The following ITGA2 variants were observed in gnomAD, a reference collection of about 807,000 sequenced individuals.
ITGA2 encodes integrin subunit alpha 2, also known as integrin alpha-2.
ITGA2 carries 101 observed loss-of-function variants against 146.3 expected under a neutral mutation model. The ratio of observed to expected loss-of-function variants is 0.69; its 90% CI spans 0.59 to 0.81. ITGA2 has a LOEUF of 0.81. Among genes scored for constraint, ITGA2 ranks in the 40% least tolerant of loss-of-function variants. The probability of loss-of-function intolerance (pLI) is 0.00; values close to 1 mark genes in which losing one functional copy is unlikely to be tolerated. For synonymous variants in ITGA2, 477 were observed against 487.1 expected (o/e 0.98, Z 0.27); for missense variants, 1,281 against 1,402.7 (o/e 0.91, Z 1.39).
chr5:53,078,793 T>A lies in ITGA2; in HGVS notation c.2847T>A (p.Tyr949Ter), dbSNP rs1161540512. ...HLTRSTNINF[Y>*]EISSDGNVPS... ...ACAGATCTACCAACATAAATTTTTATGAAATCTCTTCGGATGGGAATGTTC... is the reference window on the plus strand; with the variant it reads ...ACAGATCTACCAACATAAATTTTTAAGAAATCTCTTCGGATGGGAATGTTC... The change falls in exon 24 of 30, where the codon TAT (tyrosine) becomes TAA (stop). Residue 949 changes from tyrosine to a stop codon, truncating the protein, a stop_gained. Coordinates refer to ENST00000296585, the MANE Select transcript of ITGA2 (RefSeq NM_002203.4). LOFTEE classifies it high-confidence loss of function. 1 of 1,608,444 alleles carries A rather than the reference T, an allele frequency of 6.2e-7. No individual in the cohort carries two copies.
At chr5:53,059,567 C>T (rs1665080021) in intron 10 of ITGA2, among the ~76,000 whole-genome samples, 1 of 151,872 alleles carries the variant, frequency 6.6e-6, no homozygotes, top group Admixed American at 6.6e-5. Context: ...TTACCATTGG[C>T]AAATATATGC....
At chr5:53,037,238 C>T (rs1188553983) in intron 2 of ITGA2, among the ~76,000 whole-genome samples, 1 of 152,158 alleles carries the variant, frequency 6.6e-6, no homozygotes, top group African/African-American at 2.4e-5. Flanking sequence ...GATAATTGAA[C>T]AGTAAGTGTT....
At chr5:53,056,941 C>T (rs1744667778) in intron 9 of ITGA2, among the ~76,000 whole-genome samples, 1 of 151,926 alleles carries the variant, frequency 6.6e-6, no homozygotes, top group Non-Finnish European at 1.5e-5. Context: ...GCCTTAGAGT[C>T]TGGGGCTAAA....
intron 2 of ITGA2, among the ~76,000 whole-genome samples, chr5:53,031,757 G>T (rs1743234890): frequency 6.6e-6 from 1 of 152,222 alleles, no homozygotes; most frequent in South Asian, 2.1e-4. Context: ...TACCTGGGCA[G>T]CCCTCTGGCT....
At chr5:52,997,682 G>T (rs1273970763) in intron 1 of ITGA2, among the ~76,000 whole-genome samples, 2 of 152,142 alleles carry the variant, frequency 1.3e-5, no homozygotes, top group Non-Finnish European at 2.9e-5. Context: ...CTGAACACAA[G>T]CTGGCTTCGG....
At chr5:53,080,488 G>A (rs1579903153) in intron 24 of ITGA2, 23 bp from the exon 25 acceptor site, 1 of 1,578,782 alleles carries the variant, frequency 6.3e-7, no homozygotes, top group East Asian at 2.2e-5. Flanking sequence ...TTGCAGTACT[G>A]GCACATTTTA....
At chr5:53,037,883 T>C (rs574566859) in intron 2 of ITGA2, among the ~76,000 whole-genome samples, 1 of 152,348 alleles carries the variant, frequency 6.6e-6, no homozygotes, top group African/African-American at 2.4e-5. Flanking sequence ...GATAGCATAA[T>C]ACTGTCAGAG....
At chr5:53,023,830 T>C (rs1742804977) in intron 1 of ITGA2, among the ~76,000 whole-genome samples, 1 of 152,222 alleles carries the variant, frequency 6.6e-6, no homozygotes, top group South Asian at 2.1e-4. Context: ...TTATGAGCTA[T>C]TTAGATATCA....
intron 4 of ITGA2, 150 bp from the exon 5 acceptor site, chr5:53,048,213 C>G (rs1370644885): frequency 2.8e-6 from 2 of 709,298 alleles, no homozygotes; most frequent in Non-Finnish European, 5.0e-6. Flanking sequence ...TTCTGCTTTC[C>G]CCGAAGGCAT....
At chr5:53,013,991 AGGAGCTT>A (rs1257876349) in intron 1 of ITGA2, among the ~76,000 whole-genome samples, 1 of 152,118 alleles carries the variant, frequency 6.6e-6, no homozygotes, top group Non-Finnish European at 1.5e-5. Flanking sequence ...TATCAAATCT[AGGAGCTT>A]TGAGCAGAGA....
chr5:52,989,880 C>T (rs1415458836), intron 1 of ITGA2, among the ~76,000 whole-genome samples: 1 of 151,838 alleles, frequency 6.6e-6, no homozygotes, highest in Non-Finnish European at 1.5e-5. Context: ...TGGGGATCCG[C>T]GGGTGTCCTG....
intron 2 of ITGA2, among the ~76,000 whole-genome samples, chr5:53,028,223 A>G (rs543850932): frequency 6.6e-6 from 1 of 152,332 alleles, no homozygotes; most frequent in South Asian, 2.1e-4. Flanking sequence ...TGATGAGGAA[A>G]CAAAATGAAA....
At chr5:53,031,181 T>A (rs45472897) in intron 2 of ITGA2, among the ~76,000 whole-genome samples, 1 of 152,384 alleles carries the variant, frequency 6.6e-6, no homozygotes, top group Non-Finnish European at 1.5e-5. Context: ...AAGGACTGTT[T>A]AAACATTGAC....
intron 2 of ITGA2, among the ~76,000 whole-genome samples, chr5:53,039,571 C>A (rs1368687833): frequency 6.6e-6 from 1 of 151,358 alleles, no homozygotes; most frequent in East Asian, 1.9e-4. Context: ...TGGCAAAATC[C>A]CCTACTAAAA....
At chr5:53,040,364 G>C (rs1317462825) in intron 2 of ITGA2, among the ~76,000 whole-genome samples, 1 of 152,098 alleles carries the variant, frequency 6.6e-6, no homozygotes, top group Non-Finnish European at 1.5e-5. Context: ...GAAAATCAAG[G>C]CTCTGGAAGA....
In ITGA2 at chr5:53,087,012, A is replaced by G. The variant is rs993953479; in HGVS notation, c.3319A>G (p.Ile1107Val). The change falls in exon 28 of 30, where the codon ATA becomes GTA. Residue 1107 changes from isoleucine to valine, a missense_variant. By Grantham distance (29) the Ile-to-Val change is conservative. Around this residue, in one of 3 missense-constraint regions of ITGA2, gnomAD observed 475 missense variants for 530.5 expected, o/e 0.90. Transcript: ENST00000296585. ...AAEINTYNPE[I>V]YVIEDNTVTI... Reference sequence around the variant, plus strand: ...AGAAATCAACACCTATAACCCTGAGATATATGTGATTGAAGATAACACTGT... The same window carrying G: ...AGAAATCAACACCTATAACCCTGAGGTATATGTGATTGAAGATAACACTGT... The G allele has an allele frequency of 1.2e-5, 19 of 1,613,198 alleles. No homozygotes were observed. The highest frequency in any genetic ancestry group is 1.6e-5 in the Non-Finnish European group (19 of 1,179,374).
intron 25 of ITGA2, 53 bp from the exon 26 acceptor site, chr5:53,081,539 A>G: frequency 7.5e-7 from 1 of 1,341,420 alleles, no homozygotes; most frequent in South Asian, 1.2e-5. Context: ...GTTGAAAGGA[A>G]CATCATAAAC....
Position 53,075,352 on chromosome 5 carries a change from T to A in ITGA2, c.2825+48T>A, listed in dbSNP as rs777809108. The A allele has an allele frequency of 2.0e-6, 3 of 1,486,358 alleles. No individual in the cohort carries two copies. In the South Asian group the frequency reaches 3.4e-5, roughly 17 times the overall value. 92.1% of individuals were successfully genotyped at this position (1,486,358 alleles called of 1,614,324 possible). The stretch of plus-strand genomic sequence containing the variant: ...TGCTATCACTGACACCAACTCTAGA[T>A]CAGAAGATTTTTGGCTCATGGCTAA... On this transcript the variant is annotated intron_variant, in intron 23 of 29. Coordinates refer to ENST00000296585, the MANE Select transcript of ITGA2 (RefSeq NM_002203.4).
At chr5:53,052,742 A>T (rs753889909) in intron 7 of ITGA2, among the ~76,000 whole-genome samples, 1 of 152,050 alleles carries the variant, frequency 6.6e-6, no homozygotes, top group Non-Finnish European at 1.5e-5. Context: ...TGACACCACA[A>T]ACTTCTCGAA....
Sources: allele counts gnomAD v4.1 joint callset (sites outside exome capture counted in the v4.1 genomes callset), GRCh38; gene constraint gnomAD v4.1.1; regional missense constraint gnomAD v4.1.1; transcripts MANE v1.5; gene names NCBI Gene and HGNC (gene_info 2026-07-23, HGNC 2026-07-21).